KIAA0825: variants seen among roughly 807,000 people sequenced by gnomAD.
KIAA0825 encodes uncharacterized protein KIAA0825.
KIAA0825 carries 119 observed loss-of-function variants against 147.6 expected under a neutral mutation model. The ratio of observed to expected loss-of-function variants is 0.81; its 90% CI spans 0.69 to 0.94. The LOEUF (loss-of-function observed/expected upper bound fraction) is 0.94. KIAA0825 is among the 40% of genes least tolerant of loss of function. KIAA0825 has a pLI of 0.00. For missense variants in KIAA0825, 1,381 were observed against 1,472.7 expected, an observed-to-expected ratio of 0.94 and a Z score of 1.02; for synonymous variants, 470 against 518.1, an observed-to-expected ratio of 0.91 and a Z score of 1.26.
chr5:94,195,731 A>G (rs1771075476), intron 20 of KIAA0825, among the ~76,000 whole-genome samples: 1 of 152,174 alleles, frequency 6.6e-6, no homozygotes, highest in South Asian at 2.1e-4. Flanking sequence ...TTATAGTCAC[A>G]TGTAATATAA....
chr5:94,494,623 A>G (rs1238838609), intron 5 of KIAA0825, among the ~76,000 whole-genome samples: 2 of 152,138 alleles, frequency 1.3e-5, no homozygotes, highest in Non-Finnish European at 2.9e-5. Context: ...TTTAAGTACT[A>G]TATGCTAATG....
At chr5:94,385,051 GA>G (rs903763996) in intron 19 of KIAA0825, among the ~76,000 whole-genome samples, 12 of 152,008 alleles carry the variant, frequency 7.9e-5, no homozygotes, top group Admixed American at 4.6e-4. Flanking sequence ...AAATTACTGT[GA>G]AAAAAATCTC....
At chr5:94,580,445 T>C (rs1047481174) in intron 2 of KIAA0825, among the ~76,000 whole-genome samples, 1 of 152,162 alleles carries the variant, frequency 6.6e-6, no homozygotes, top group Non-Finnish European at 1.5e-5. Context: ...CCCTGTAAAA[T>C]CATGACAGAT....
At chr5:94,346,505 A>G (rs956758431) in intron 20 of KIAA0825, among the ~76,000 whole-genome samples, 2 of 152,156 alleles carry the variant, frequency 1.3e-5, no homozygotes, top group African/African-American at 4.8e-5. Flanking sequence ...GAGTGCCCCA[A>G]CTGCAGAAGT....
At chr5:94,186,774 GCTA>G in intron 20 of KIAA0825, among the ~76,000 whole-genome samples, 1 of 152,334 alleles carries the variant, frequency 6.6e-6, no homozygotes, top group South Asian at 2.1e-4. Flanking sequence ...AAGAGCAGGA[GCTA>G]CCAGAGAGGG....
intron 5 of KIAA0825, among the ~76,000 whole-genome samples, chr5:94,512,000 T>A (rs13155591): frequency 0.013 from 1,989 of 151,606 alleles, 30 homozygotes; most frequent in African/African-American, 0.034. Context: ...AAAAAAAAAA[T>A]AATAATAATA....
intron 17 of KIAA0825, among the ~76,000 whole-genome samples, chr5:94,395,636 C>T (rs554905064): frequency 6.6e-6 from 1 of 152,212 alleles, no homozygotes; most frequent in African/African-American, 2.4e-5. Flanking sequence ...CTCTGGGATT[C>T]TTACATTACC....
intron 2 of KIAA0825, among the ~76,000 whole-genome samples, chr5:94,562,310 A>G (rs1777698682): frequency 6.6e-6 from 1 of 152,222 alleles, no homozygotes; most frequent in African/African-American, 2.4e-5. Flanking sequence ...ACAATCAATA[A>G]AAGTAAATTT....
intron 16 of KIAA0825, among the ~76,000 whole-genome samples, chr5:94,398,459 T>C (rs1252935732): frequency 6.6e-6 from 1 of 152,184 alleles, no homozygotes; most frequent in African/African-American, 2.4e-5. Flanking sequence ...TTACTCTCAA[T>C]GGAATGCCTT....
At chr5:94,476,117 T>C (rs189675972) in intron 7 of KIAA0825, among the ~76,000 whole-genome samples, 14 of 152,334 alleles carry the variant, frequency 9.2e-5, no homozygotes, top group Admixed American at 7.8e-4. Flanking sequence ...AACTTAGGAT[T>C]TTCCCGATTA....
chr5:94,255,490 C>A (rs1776198355), intron 20 of KIAA0825, among the ~76,000 whole-genome samples: 2 of 152,002 alleles, frequency 1.3e-5, no homozygotes, highest in South Asian at 4.1e-4. Context: ...CAACCCTGCA[C>A]CACGCCATCA....
At chr5:94,254,358 C>T (rs1776129731) in intron 20 of KIAA0825, among the ~76,000 whole-genome samples, 1 of 152,070 alleles carries the variant, frequency 6.6e-6, no homozygotes, top group Admixed American at 6.6e-5. Flanking sequence ...CCACAGGGGC[C>T]AGTTAGCTTT....
At chr5:94,208,670 G>A (rs747388838) in intron 20 of KIAA0825, among the ~76,000 whole-genome samples, 1 of 152,178 alleles carries the variant, frequency 6.6e-6, no homozygotes, top group Non-Finnish European at 1.5e-5. Flanking sequence ...GACTCTTAGA[G>A]GATGGGAAAG....
chr5:94,553,793 A>G (rs753655907), intron 2 of KIAA0825, among the ~76,000 whole-genome samples: 6 of 151,956 alleles, frequency 3.9e-5, no homozygotes, highest in Non-Finnish European at 7.4e-5. Flanking sequence ...AAAAACAAAA[A>G]GAAAAAAAAA....
At chr5:94,533,130 C>T (rs1203245266) in intron 3 of KIAA0825, among the ~76,000 whole-genome samples, 2 of 151,612 alleles carry the variant, frequency 1.3e-5, no homozygotes, top group East Asian at 1.9e-4. Flanking sequence ...AGGCGCCCGC[C>T]ACCACGCCCG....
chr5:94,584,523 A>G (rs1167796475), intron 1 of KIAA0825, among the ~76,000 whole-genome samples: 2 of 152,240 alleles, frequency 1.3e-5, no homozygotes, highest in African/African-American at 4.8e-5. Context: ...AAAGCCTCCA[A>G]GAAATATGGG....
intron 20 of KIAA0825, among the ~76,000 whole-genome samples, chr5:94,347,341 C>T (rs779322243): frequency 1.3e-5 from 2 of 152,218 alleles, no homozygotes; most frequent in African/African-American, 4.8e-5. Flanking sequence ...GGCAGGATGC[C>T]GACCAGTACA....
At position 94,598,003 on chromosome 5, in the gene KIAA0825, C is replaced by T. The variant is rs561150176; in HGVS notation, c.-152-15420G>A. Among the ~76,000 whole-genome samples, 7 of 152,148 alleles carry T rather than the reference C, an allele frequency of 4.6e-5. No homozygotes were observed. In the South Asian group the frequency reaches 1.5e-3, roughly 32 times the overall value. ...AGTGAATGGTGAGTGAATGTGAAGG[C>T]CTAGGACATTACTGAACACTACTGT... On this transcript the variant is annotated intron_variant, in intron 1 of 20. Transcript: ENST00000682413.
intron 20 of KIAA0825, among the ~76,000 whole-genome samples, chr5:94,372,221 T>C (rs1459549591): frequency 6.6e-6 from 1 of 152,078 alleles, no homozygotes; most frequent in Non-Finnish European, 1.5e-5. Context: ...CTTTTCTAGG[T>C]GTGTGGTGCA....
Sources: gnomAD v4.1 joint callset for allele counts (sites outside exome capture counted in the v4.1 genomes callset) on GRCh38, gnomAD v4.1.1 for gene constraint, MANE v1.5 for transcripts, NCBI Gene and HGNC (gene_info 2026-07-23, HGNC 2026-07-21) for gene names.